Variants in QKI observed in about 807,000 individuals in gnomAD.
QKI encodes the protein QKI, KH domain containing RNA binding.
Under a neutral mutation model 39.0 loss-of-function variants are expected in QKI, and 10 were observed. The observed-to-expected ratio is 0.26, with a 90% CI of 0.16 to 0.43. The LOEUF (loss-of-function observed/expected upper bound fraction) is 0.43. Among genes scored for constraint, QKI ranks in the 20% least tolerant of loss-of-function variants. QKI has a pLI of 1.00. For synonymous variants in QKI, 204 were observed against 155.4 expected (o/e 1.31, Z -2.33); for missense variants, 218 against 428.0 (o/e 0.51, Z 4.33).
Position 163,570,772 on chromosome 6 carries a change from G to T in QKI, c.*62G>T. The T allele has an allele frequency of 6.3e-7, 1 of 1,597,286 alleles. No individual in the cohort carries two copies. Among genetic ancestry groups the T allele is most frequent in the South Asian group, 1.1e-5 (1 of 87,926 alleles). On this transcript the variant is annotated 3_prime_UTR_variant, in exon 8 of 8. Transcript: ENST00000361752. Reference sequence around the variant, plus strand: ...GATGACCTGACCATGCCTGCCTGCTGATCAGTTAACTGGTAATCGCCTTTG... The same window carrying T: ...GATGACCTGACCATGCCTGCCTGCTTATCAGTTAACTGGTAATCGCCTTTG...
intron 4 of QKI, among the ~76,000 whole-genome samples, chr6:163,545,679 T>A (rs1314435623): frequency 1.3e-5 from 2 of 152,094 alleles, no homozygotes; most frequent in Non-Finnish European, 2.9e-5. Flanking sequence ...ATCCTCCTCT[T>A]GATTCTTGTA....
intron 3 of QKI, among the ~76,000 whole-genome samples, chr6:163,484,726 T>G (rs1793335657): frequency 1.3e-5 from 2 of 152,186 alleles, no homozygotes; most frequent in Non-Finnish European, 2.9e-5. Flanking sequence ...GTTCACTGTC[T>G]TATATGGGCA....
At chr6:163,561,482 C>A (rs1043060109) in intron 4 of QKI, among the ~76,000 whole-genome samples, 31 of 152,092 alleles carry the variant, frequency 2.0e-4, no homozygotes, top group African/African-American at 7.2e-4. Context: ...GTGGCGCGTG[C>A]CTCTAGTCGC....
At chr6:163,510,750 G>A (rs1049059114) in intron 3 of QKI, among the ~76,000 whole-genome samples, 1 of 152,034 alleles carries the variant, frequency 6.6e-6, no homozygotes, top group Non-Finnish European at 1.5e-5. Flanking sequence ...AAGTTCATCA[G>A]GAGGACATAT....
chr6:163,524,702 G>A (rs9458850), intron 3 of QKI, among the ~76,000 whole-genome samples: 6,126 of 152,070 alleles, frequency 0.04, 131 homozygotes, highest in African/African-American at 0.063. Flanking sequence ...CCCGACCTCA[G>A]GTGATCTACC....
chr6:163,547,211 CGACT>C (rs1781939709), intron 4 of QKI, among the ~76,000 whole-genome samples: 1 of 152,050 alleles, frequency 6.6e-6, no homozygotes, highest in African/African-American at 2.4e-5. Context: ...AAGCGTTGAA[CGACT>C]GACAAAAGAA....
chr6:163,525,470 T>C (rs1042799337), intron 3 of QKI, among the ~76,000 whole-genome samples: 5 of 149,956 alleles, frequency 3.3e-5, no homozygotes, highest in African/African-American at 9.9e-5. Flanking sequence ...GCAGTTCTCC[T>C]GCCTCAGCCT....
intron 3 of QKI, among the ~76,000 whole-genome samples, chr6:163,496,247 A>G (rs1778398621): frequency 6.6e-6 from 1 of 152,282 alleles, no homozygotes; most frequent in South Asian, 2.1e-4. Context: ...GGTGACAACA[A>G]TAAGTTGATG....
intron 3 of QKI, among the ~76,000 whole-genome samples, chr6:163,479,331 T>TTA (rs1448187910): frequency 1.3e-5 from 2 of 152,142 alleles, no homozygotes; most frequent in African/African-American, 4.8e-5. Flanking sequence ...CTTTTAAACT[T>TTA]TTTAAAGGTG....
At chr6:163,466,614 CACAATGGAGAAAGAATCGTCTCTTCA>C (rs1433565112) in intron 2 of QKI, among the ~76,000 whole-genome samples, 1 of 152,088 alleles carries the variant, frequency 6.6e-6, no homozygotes, top group Non-Finnish European at 1.5e-5. Flanking sequence ...ACCATGACTA[CACAATGGAGAAAGAATCGTCTCTTCA>C]ACAGTTGGTG....
intron 3 of QKI, among the ~76,000 whole-genome samples, chr6:163,529,447 G>A (rs1780714250): frequency 6.6e-6 from 1 of 152,114 alleles, no homozygotes; most frequent in African/African-American, 2.4e-5. Context: ...TCAGTGAGAT[G>A]ATTCTGATAT....
chr6:163,570,155 GC>G (rs1783615531), intron 7 of QKI: 1 of 985,746 alleles, frequency 1.0e-6, no homozygotes, highest in Admixed American at 6.1e-5. Context: ...ACCTTGTTTG[GC>G]CCAGAGTTTA....
At chr6:163,506,615 T>C (rs1779108290) in intron 3 of QKI, among the ~76,000 whole-genome samples, 1 of 152,206 alleles carries the variant, frequency 6.6e-6, no homozygotes, top group African/African-American at 2.4e-5. Context: ...TTTGATCCTA[T>C]AACTTAGCCA....
At chr6:163,438,928 A>G (rs1789519322) in intron 1 of QKI, among the ~76,000 whole-genome samples, 1 of 152,228 alleles carries the variant, frequency 6.6e-6, no homozygotes, top group East Asian at 1.9e-4. Context: ...TAAAATACAA[A>G]TACATTATAC....
chr6:163,437,417 A>T (rs1305531928), intron 1 of QKI, among the ~76,000 whole-genome samples: 2 of 152,220 alleles, frequency 1.3e-5, no homozygotes, highest in African/African-American at 2.4e-5. Context: ...TTATGAGATG[A>T]TACTAAATTC....
chr6:163,419,925 T>A (rs1787852706), intron 1 of QKI, among the ~76,000 whole-genome samples: 1 of 152,188 alleles, frequency 6.6e-6, no homozygotes, highest in Non-Finnish European at 1.5e-5. Flanking sequence ...ATATTTCTGT[T>A]AATGCTTCAC....
At chr6:163,511,777 T>G (rs2128235237) in intron 3 of QKI, among the ~76,000 whole-genome samples, 1 of 151,984 alleles carries the variant, frequency 6.6e-6, no homozygotes, top group Middle Eastern at 3.4e-3. Context: ...AAAGAAATAT[T>G]GTGAATCTTA....
At position 163,571,442 on chromosome 6, in the gene QKI, A is replaced by G. The variant is rs923431482; in HGVS notation, c.*732A>G. 3 of 152,162 alleles carry G rather than the reference A, an allele frequency of 2.0e-5. No individual in the cohort carries two copies. Among genetic ancestry groups the G allele is most frequent in the East Asian group, 1.9e-4 (1 of 5,202 alleles). The allele number at this position is 152,162 out of a possible 1,614,324, so 9.4% of individuals were successfully genotyped here. ...ATTACTGAATCTTTATTTTACACCT[A>G]AAAAAATATGAGAACAAGGTACATG... is the stretch of plus-strand genomic sequence containing the variant. On this transcript the variant is annotated 3_prime_UTR_variant, in exon 8 of 8. Coordinates refer to ENST00000361752, the MANE Select transcript of QKI (RefSeq NM_006775.3).
At chr6:163,556,424 A>G (rs1015355860) in intron 4 of QKI, among the ~76,000 whole-genome samples, 64 of 151,074 alleles carry the variant, frequency 4.2e-4, no homozygotes, top group African/African-American at 1.5e-3. Flanking sequence ...AGGCAGGAGA[A>G]TCCCAGGAGG....
Sources: allele counts gnomAD v4.1 joint callset (sites outside exome capture counted in the v4.1 genomes callset), GRCh38; gene constraint gnomAD v4.1.1; transcripts MANE v1.5; gene names NCBI Gene and HGNC (gene_info 2026-07-23, HGNC 2026-07-21).